Variants in PNPLA3 observed in about 807,000 individuals in gnomAD.
PNPLA3 encodes the protein 1-acylglycerol-3-phosphate O-acyltransferase PNPLA3.
PNPLA3 carries 42 observed loss-of-function variants against 43.1 expected under a neutral mutation model. The ratio of observed to expected loss-of-function variants is 0.97; its 90% CI spans 0.76 to 1.26. PNPLA3 has a LOEUF of 1.26. Ranked by LOEUF, PNPLA3 falls within the 50% of genes most tolerant of loss-of-function variation. The probability of loss-of-function intolerance (pLI) is 0.00; values close to 1 mark genes in which losing one functional copy is unlikely to be tolerated. For missense variants in PNPLA3, 647 were observed against 621.4 expected (o/e 1.04, Z -0.44); for synonymous variants, 272 against 253.6 (o/e 1.07, Z -0.69).
intron 1 of PNPLA3, among the ~76,000 whole-genome samples, chr22:43,926,153 C>T (rs1456776365): frequency 6.6e-6 from 1 of 152,220 alleles, no homozygotes; most frequent in Non-Finnish European, 1.5e-5. Context: ...CTGAGGCTAA[C>T]TTGGCAGGAG....
In PNPLA3 at chr22:43,933,104, G is replaced by C. The variant is rs111853433; in HGVS notation, c.696+17G>C. The C allele has an allele frequency of 1.2e-6, 2 of 1,609,042 alleles. No homozygotes were observed. Among genetic ancestry groups the C allele is most frequent in the Non-Finnish European group, 1.7e-6 (2 of 1,176,646 alleles). The stretch of plus-strand genomic sequence containing the variant: ...GATCTCAAGGTGAGTTGGTGGTGAG[G>C]GGGCAGGTGTTCTGGGGTGCAGCTC... On this transcript the variant is annotated intron_variant, in intron 4 of 8. Transcript: ENST00000216180.
Position 43,928,819 on chromosome 22 carries a change from CA to C in PNPLA3, c.421-4del, listed in dbSNP as rs1260932301. On this transcript the variant is annotated splice_region_variant and splice_polypyrimidine_tract_variant and intron_variant, in intron 2 of 8. Transcript: ENST00000216180. ...CTATAACTTCTCTCTCCTTTGCTTTCACAGGCCTTGGTATGTTCCTGCTTCA... is the reference window on the plus strand; with the variant it reads ...CTATAACTTCTCTCTCCTTTGCTTTCCAGGCCTTGGTATGTTCCTGCTTCA... The C allele has an allele frequency of 1.2e-6, 2 of 1,607,208 alleles. No homozygotes were observed. The highest frequency in any genetic ancestry group is 2.7e-5 in the African/African-American group (2 of 74,816).
intron 3 of PNPLA3, 142 bp from the exon 4 acceptor site, chr22:43,932,736 G>C (rs1488304624): frequency 2.8e-6 from 2 of 716,492 alleles, no homozygotes; most frequent in Non-Finnish European, 4.9e-6. Context: ...TCGCAGGAGT[G>C]ATTCCAAAGC....
chr22:43,925,874 A>G (rs1200446353), intron 1 of PNPLA3, among the ~76,000 whole-genome samples: 1 of 152,206 alleles, frequency 6.6e-6, no homozygotes, highest in East Asian at 1.9e-4. Context: ...CCAGGAGCCT[A>G]AAGTACACTC....
intron 5 of PNPLA3, 29 bp downstream of exon 5, chr22:43,934,695 G>C (rs1384154448): frequency 6.3e-7 from 1 of 1,585,782 alleles, no homozygotes; most frequent in African/African-American, 1.3e-5. Context: ...GATCAGCCAT[G>C]CCCTTTTGAC....
intron 8 of PNPLA3, 120 bp from the exon 9 acceptor site, chr22:43,946,034 C>T (rs539532380): frequency 1.8e-5 from 16 of 891,096 alleles, no homozygotes; most frequent in African/African-American, 8.3e-5. Context: ...CTGGCTGTGA[C>T]GGCACCCTAG....
intron 3 of PNPLA3, among the ~76,000 whole-genome samples, chr22:43,929,457 C>T (rs2049947355): frequency 7.4e-6 from 1 of 134,916 alleles, no homozygotes; most frequent in South Asian, 2.4e-4. Context: ...TCCTGGGTGA[C>T]AGAGCGAGAC....
chr22:43,946,565 C>A lies in PNPLA3; in HGVS notation c.*183C>A. 1.4e-6 allele frequency: 1 copy of A among 718,322 alleles called. No homozygotes were observed. Among genetic ancestry groups the A allele is most frequent in the Non-Finnish European group, 2.5e-6 (1 of 397,044 alleles). The allele number at this position is 718,322 out of a possible 1,614,324, so 44.5% of individuals were successfully genotyped here. On this transcript the variant is annotated 3_prime_UTR_variant, in exon 9 of 9. Transcript: ENST00000216180. ...ACCTTTCGCCTGTGCAGCGGTCCAG[C>A]ACTTAACTCTAATACATCAGCATGC... is the stretch of plus-strand genomic sequence containing the variant.
Position 43,946,567 on chromosome 22 carries a change from C to G in PNPLA3, c.*185C>G. 2 of 718,638 alleles carry G rather than the reference C, an allele frequency of 2.8e-6. No individual in the cohort carries two copies. Among genetic ancestry groups the G allele is most frequent in the South Asian group, 3.0e-5 (2 of 67,572 alleles). The allele number at this position is 718,638 out of a possible 1,614,324, so 44.5% of individuals were successfully genotyped here. A position where few individuals can be genotyped will look rare whatever the true frequency, so the allele number is the denominator to read the frequency against. On this transcript the variant is annotated 3_prime_UTR_variant, in exon 9 of 9. Transcript: ENST00000216180. ...CTTTCGCCTGTGCAGCGGTCCAGCA[C>G]TTAACTCTAATACATCAGCATGCGT...
At chr22:43,940,229 G>T in intron 7 of PNPLA3, 104 bp downstream of exon 7, 2 of 1,347,772 alleles carry the variant, frequency 1.5e-6, no homozygotes, top group East Asian at 2.5e-5. Flanking sequence ...GGATTGTCGT[G>T]CCACAGATCA....
rs189435825 is a variant in PNPLA3 at position 43,937,166 on chromosome 22, C to T, written c.873C>T (p.Ala291=). 1.9e-5 allele frequency: 31 copies of T among 1,614,238 alleles called. No individual in the cohort carries two copies. The highest frequency in any genetic ancestry group is 1.7e-6 in the Non-Finnish European group (2 of 1,180,046). Residue 291 remains alanine, a synonymous_variant, in exon 6 of 9, where the codon GCC becomes GCT. Coordinates refer to ENST00000216180, the MANE Select transcript of PNPLA3 (RefSeq NM_025225.3). ...TGGATTCTTCCCCGGAGTCGGCTGCCTTGGCTGTGAGGCTGGAGGGAGATG... is the reference window on the plus strand; with the variant it reads ...TGGATTCTTCCCCGGAGTCGGCTGCTTTGGCTGTGAGGCTGGAGGGAGATG... ...MSLDSSPESA[A]LAVRLEGDEL...
chr22:43,935,377 C>T (rs922405161), intron 5 of PNPLA3, among the ~76,000 whole-genome samples: 1 of 152,128 alleles, frequency 6.6e-6, no homozygotes, highest in Non-Finnish European at 1.5e-5. Flanking sequence ...GTGACCCTTG[C>T]CAGCCTTGTG....
intron 3 of PNPLA3, among the ~76,000 whole-genome samples, chr22:43,929,825 G>C (rs930754436): frequency 2.0e-5 from 3 of 152,070 alleles, no homozygotes; most frequent in African/African-American, 4.8e-5. Flanking sequence ...TCCAACTCCT[G>C]ACCTCAGGTG....
intron 7 of PNPLA3, 60 bp from the exon 8 acceptor site, chr22:43,944,631 T>C (rs2050051396): frequency 7.5e-7 from 1 of 1,336,596 alleles, no homozygotes; most frequent in Non-Finnish European, 1.1e-6. Flanking sequence ...CAAAGGGTAG[T>C]GTTGTAAGCT....
chr22:43,928,120 C>T (rs967202786), intron 2 of PNPLA3, among the ~76,000 whole-genome samples: 7 of 152,210 alleles, frequency 4.6e-5, no homozygotes, highest in South Asian at 2.1e-4. Context: ...CTTTCATAAG[C>T]GCTCCTTGGA....
Position 43,937,100 on chromosome 22 carries a change from G to A in PNPLA3, c.807G>A (p.Met269Ile). ...QPGLKSSSEGMDPEVAMPSWA... is the reference protein window; with the variant it reads ...QPGLKSSSEGIDPEVAMPSWA... ...GCCTGAAGTCATCCTCAGAAGGGAT[G>A]GATCCTGAGGTCGCCATGCCCAGCT... The change falls in exon 6 of 9, where the codon ATG (methionine) becomes ATA (isoleucine). Residue 269 changes from methionine (M) to isoleucine (I), a missense_variant. Physicochemically the swap from Met to Ile is conservative, Grantham distance 10. Coordinates refer to ENST00000216180, the MANE Select transcript of PNPLA3 (RefSeq NM_025225.3). 1 of 1,614,100 alleles carries A rather than the reference G, an allele frequency of 6.2e-7. No homozygotes were observed. The highest frequency in any genetic ancestry group is 8.5e-7 in the Non-Finnish European group (1 of 1,180,042).
chr22:43,934,918 G>A (rs1484792574), intron 5 of PNPLA3, among the ~76,000 whole-genome samples: 3 of 152,080 alleles, frequency 2.0e-5, no homozygotes, highest in African/African-American at 7.2e-5. Flanking sequence ...TTTGAACTGG[G>A]ATGTCATGAC....
intron 7 of PNPLA3, among the ~76,000 whole-genome samples, chr22:43,944,052 C>T (rs925949737): frequency 6.6e-6 from 1 of 152,158 alleles, no homozygotes; most frequent in Non-Finnish European, 1.5e-5. Context: ...TCCCAAAGTG[C>T]TGGGATTACA....
At chr22:43,944,870 A>G in intron 8 of PNPLA3, 75 bp downstream of exon 8, 1 of 1,283,502 alleles carries the variant, frequency 7.8e-7, no homozygotes, top group Non-Finnish European at 1.1e-6. Context: ...ACGACATTCT[A>G]GAAACAGCTG....
Sources: allele counts gnomAD v4.1 joint callset (sites outside exome capture counted in the v4.1 genomes callset), GRCh38; gene constraint gnomAD v4.1.1; transcripts MANE v1.5; gene names NCBI Gene and HGNC (gene_info 2026-07-23, HGNC 2026-07-21).